ZNF737: variants seen among roughly 807,000 people sequenced by gnomAD.
ZNF737 encodes zinc finger protein 737.
ZNF737 carries 13 observed loss-of-function variants against 11.7 expected under a neutral mutation model. That is an observed-to-expected ratio of 1.11 (90% CI 0.73 to 1.77). The LOEUF (loss-of-function observed/expected upper bound fraction) is 1.77, where lower values mean the gene tolerates loss of function less well. Ranked by LOEUF, ZNF737 falls within the 40% of genes most tolerant of loss-of-function variation. The probability of loss-of-function intolerance (pLI) is 0.00; values close to 1 mark genes in which losing one functional copy is unlikely to be tolerated. For missense variants in ZNF737, 636 were observed against 638.0 expected (o/e 1.00, Z 0.03); for synonymous variants, 217 against 216.2 (o/e 1.00, Z -0.03).
chr19:20,561,722 C>A lies in ZNF737; in HGVS notation c.3+3916G>T, dbSNP rs561679689. Among the ~76,000 whole-genome samples, 78 of 151,254 alleles carry A rather than the reference C, an allele frequency of 5.2e-4. 5 individuals are homozygous for A. The South Asian group carries it at 0.015, about 30-fold the overall frequency. On this transcript the variant is annotated intron_variant, in intron 1 of 3. Coordinates refer to ENST00000427401, the MANE Select transcript of ZNF737 (RefSeq NM_001159293.2). ...TGACACCACCGAGAGTCAACACAGA[C>A]CCTGATTCAGGGCTCAGTCCCACAA... is the stretch of plus-strand genomic sequence containing the variant.
chr19:20,537,511 ATTTTT>A (rs1163609628), downstream of ZNF737, among the ~76,000 whole-genome samples: 4,851 of 77,018 alleles, frequency 0.063, 331 homozygotes, highest in African/African-American at 0.22. Flanking sequence ...CTGGTTTTCT[ATTTTT>A]TTTTTTTTTT....
chr19:20,560,905 T>C (rs534623511), intron 1 of ZNF737, among the ~76,000 whole-genome samples: 6 of 152,222 alleles, frequency 3.9e-5, no homozygotes, highest in African/African-American at 1.4e-4. Context: ...CAACAGACGC[T>C]GCGGCCTAGT....
chr19:20,530,453 C>T, the ZNF737 span, among the ~76,000 whole-genome samples: 1,106 of 148,994 alleles, frequency 7.4e-3, 81 homozygotes, highest in African/African-American at 0.025. Flanking sequence ...CGGGCGGAGA[C>T]GCTCCTCACT....
intron 1 of ZNF737, among the ~76,000 whole-genome samples, chr19:20,559,941 T>C (rs1555761986): frequency 6.6e-6 from 1 of 150,990 alleles, no homozygotes; most frequent in African/African-American, 2.4e-5. Flanking sequence ...CCGAGGCGGG[T>C]GGATCATGAG....
chr19:20,560,663 C>T (rs782279821), intron 1 of ZNF737, among the ~76,000 whole-genome samples: 15 of 151,848 alleles, frequency 9.9e-5, no homozygotes, highest in Non-Finnish European at 1.8e-4. Flanking sequence ...GCCTGTAATC[C>T]CAGCTACTCA....
intron 3 of ZNF737, among the ~76,000 whole-genome samples, chr19:20,547,615 CAAT>C (rs1968504227): frequency 1.3e-5 from 2 of 152,090 alleles, no homozygotes; most frequent in East Asian, 3.9e-4. Flanking sequence ...TTGAATGACA[CAAT>C]AATACATTTT....
chr19:20,543,044 T>C lies in ZNF737; in HGVS notation c.*1548A>G. On this transcript the variant is annotated 3_prime_UTR_variant, in exon 4 of 4. Transcript: ENST00000427401. ...TTTTATATTCAATGCTCTGATTTAGTGTAATGTCTGAAGTGTCGGGGCCTT... is the reference window on the plus strand; with the variant it reads ...TTTTATATTCAATGCTCTGATTTAGCGTAATGTCTGAAGTGTCGGGGCCTT... 1.0e-6 allele frequency: 1 copy of C among 985,216 alleles called. No individual in the cohort carries two copies. Among genetic ancestry groups the C allele is most frequent in the Non-Finnish European group, 1.2e-6 (1 of 829,724 alleles). 61.0% of individuals were successfully genotyped at this position (985,216 alleles called of 1,614,324 possible).
At chr19:20,531,118 C>T (rs1405776891), downstream of ZNF737, among the ~76,000 whole-genome samples, 1 of 146,260 alleles carries the variant, frequency 6.8e-6, no homozygotes, top group African/African-American at 2.6e-5. Flanking sequence ...ATCGCAGGCA[C>T]TCGGCAGGCT....
chr19:20,534,487 A>ATCTG (rs1458261878), downstream of ZNF737, among the ~76,000 whole-genome samples: 2 of 147,770 alleles, frequency 1.4e-5, 1 homozygote, highest in Non-Finnish European at 3.0e-5. Flanking sequence ...CTATCTATCT[A>ATCTG]TCTACTGTCA....
chr19:20,537,511 A>ATTTTTTT (rs1163609628), downstream of ZNF737, among the ~76,000 whole-genome samples: 161 of 77,088 alleles, frequency 2.1e-3, 14 homozygotes, highest in African/African-American at 7.0e-3. Flanking sequence ...CTGGTTTTCT[A>ATTTTTTT]TTTTTTTTTT....
intron 1 of ZNF737, among the ~76,000 whole-genome samples, chr19:20,557,629 T>C (rs1267411084): frequency 6.6e-6 from 1 of 151,916 alleles, no homozygotes; most frequent in Non-Finnish European, 1.5e-5. Context: ...TTTTTTTTTT[T>C]TTTTTGAGAT....
At chr19:20,556,641 T>C (rs2562622) in intron 1 of ZNF737, among the ~76,000 whole-genome samples, 36,103 of 152,120 alleles carry the variant, frequency 0.24, 4,359 homozygotes, top group South Asian at 0.33. Context: ...TAGTCCCTTA[T>C]ACTTAGCACT....
chr19:20,564,864 C>G, intron 1 of ZNF737, among the ~76,000 whole-genome samples: 1 of 150,224 alleles, frequency 6.7e-6, no homozygotes, highest in Non-Finnish European at 1.5e-5. Flanking sequence ...TGGGAAATTA[C>G]TACATTAGGG....
chr19:20,533,458 A>G (rs1414823012), downstream of ZNF737, among the ~76,000 whole-genome samples: 1 of 150,010 alleles, frequency 6.7e-6, no homozygotes, highest in Non-Finnish European at 1.5e-5. Context: ...CATGGTAGAT[A>G]CATAAACACA....
intron 3 of ZNF737, among the ~76,000 whole-genome samples, chr19:20,549,174 T>C (rs1303450622): frequency 1.3e-5 from 2 of 152,180 alleles, no homozygotes; most frequent in Non-Finnish European, 2.9e-5. Context: ...GTCATATTTA[T>C]AGATAAATAC....
At chr19:20,534,123 C>T (rs1967894934), downstream of ZNF737, among the ~76,000 whole-genome samples, 1 of 150,074 alleles carries the variant, frequency 6.7e-6, no homozygotes, top group Non-Finnish European at 1.5e-5. Flanking sequence ...TTTAAATTAT[C>T]TAAGCTGAGT....
the ZNF737 span, among the ~76,000 whole-genome samples, chr19:20,530,435 G>T: frequency 6.7e-6 from 1 of 149,596 alleles, no homozygotes; most frequent in Non-Finnish European, 1.5e-5. Flanking sequence ...CCTGGGCGGG[G>T]TGGCTGCCGG....
rs1555754549 is a variant in ZNF737 at position 20,539,128 on chromosome 19, T to TGTA, written c.*5463_*5464insTAC. 3.6e-6 allele frequency: 1 copy of TGTA among 275,856 alleles called. No individual in the cohort carries two copies. The highest frequency in any genetic ancestry group is 4.2e-4 in the East Asian group (1 of 2,376). 17.1% of individuals were successfully genotyped at this position (275,856 alleles called of 1,614,324 possible). On this transcript the variant is annotated 3_prime_UTR_variant, in exon 4 of 4. Transcript: ENST00000427401. ...CTGGCTAACATGATGAAATCCCATC[T>TGTA]CTACTACAAAAATTATCCGGGCATA... is the stretch of plus-strand genomic sequence containing the variant.
At chr19:20,546,442 A>G (rs1555757107) in intron 3 of ZNF737, among the ~76,000 whole-genome samples, 1 of 152,182 alleles carries the variant, frequency 6.6e-6, no homozygotes, top group African/African-American at 2.4e-5. Flanking sequence ...GAGAATTTAT[A>G]TTGCAGCATG....
Sources: allele counts gnomAD v4.1 joint callset (sites outside exome capture counted in the v4.1 genomes callset), GRCh38; gene constraint gnomAD v4.1.1; transcripts MANE v1.5; gene names NCBI Gene and HGNC (gene_info 2026-07-23, HGNC 2026-07-21).